The following RABGAP1L variants were observed in gnomAD, a reference collection of about 807,000 sequenced individuals.
RABGAP1L encodes the protein RAB GTPase activating protein 1 like, also known as rab GTPase-activating protein 1-like.
A neutral mutation model predicts 137.7 loss-of-function variants in RABGAP1L; 63 were observed. That is an observed-to-expected ratio of 0.46 (90% CI 0.37 to 0.56). The LOEUF is 0.56. Ranked by LOEUF, RABGAP1L falls within the 20% of genes least tolerant of loss-of-function variation. The probability of loss-of-function intolerance (pLI) is 0.00; values close to 1 mark genes in which losing one functional copy is unlikely to be tolerated. For missense variants in RABGAP1L, 1,095 were observed against 1,244.0 expected (o/e 0.88, Z 1.80); for synonymous variants, 431 against 433.7 (o/e 0.99, Z 0.08).
At position 174,993,483 on chromosome 1, in the gene RABGAP1L, G is replaced by A. The variant is rs1672186999; in HGVS notation, c.*3482G>A. The A allele has an allele frequency of 1.3e-5, 2 of 152,136 alleles. No homozygotes were observed. Among genetic ancestry groups the A allele is most frequent in the African/African-American group, 4.8e-5 (2 of 41,426 alleles). 9.4% of individuals were successfully genotyped at this position (152,136 alleles called of 1,614,324 possible). On this transcript the variant is annotated 3_prime_UTR_variant, in exon 26 of 26. Coordinates refer to ENST00000681986, the MANE Select transcript of RABGAP1L (RefSeq NM_001366446.1). ...TAAAATATTTTCCAGTTAATAACTA[G>A]TTGCTTTATTTCCTAGCTGAAGTGA...
At chr1:174,541,092 G>T (rs1164419458) in intron 13 of RABGAP1L, among the ~76,000 whole-genome samples, 1 of 152,098 alleles carries the variant, frequency 6.6e-6, no homozygotes, top group Non-Finnish European at 1.5e-5. Flanking sequence ...TTGGCTGTTT[G>T]TCTGTTATTG....
intron 19 of RABGAP1L, among the ~76,000 whole-genome samples, chr1:174,938,752 TG>T (rs1412444577): frequency 1.3e-5 from 2 of 152,240 alleles, no homozygotes; most frequent in East Asian, 3.8e-4. Flanking sequence ...AATCTGTTAG[TG>T]AGCTTTTACT....
At chr1:174,175,033 AAAATATG>A (rs1665719748) in intron 1 of RABGAP1L, among the ~76,000 whole-genome samples, 2 of 152,352 alleles carry the variant, frequency 1.3e-5, no homozygotes, top group South Asian at 4.1e-4. Flanking sequence ...TAAGATTTTT[AAAATATG>A]AAATAGGATG....
chr1:174,646,397 AAGTAAGGGGTCTAGTTTC>A (rs1432990640), intron 14 of RABGAP1L, among the ~76,000 whole-genome samples: 4 of 152,102 alleles, frequency 2.6e-5, no homozygotes, highest in African/African-American at 9.7e-5. Context: ...TATAAGATTT[AAGTAAGGGGTCTAGTTTC>A]AGTTTTCTGC....
intron 12 of RABGAP1L, among the ~76,000 whole-genome samples, chr1:174,373,141 G>A (rs899015384): frequency 1.3e-5 from 2 of 152,150 alleles, no homozygotes; most frequent in Non-Finnish European, 2.9e-5. Flanking sequence ...CCTTTAAGAT[G>A]AACAGTTCTC....
chr1:174,421,561 T>G (rs779648048), intron 13 of RABGAP1L, among the ~76,000 whole-genome samples: 1 of 152,252 alleles, frequency 6.6e-6, no homozygotes, highest in African/African-American at 2.4e-5. Context: ...GCACTTCTTA[T>G]GGTTCAGGTC....
intron 13 of RABGAP1L, among the ~76,000 whole-genome samples, chr1:174,532,107 G>A (rs952316889): frequency 6.6e-6 from 1 of 152,048 alleles, no homozygotes. Context: ...CCCTTGGGAA[G>A]AGGGAAAGGA....
chr1:174,230,994 A>G (rs1670599042), intron 3 of RABGAP1L, 151 bp from the exon 4 acceptor site: 3 of 579,454 alleles, frequency 5.2e-6, no homozygotes, highest in African/African-American at 3.7e-5. Context: ...TAGATTTTAA[A>G]TCCTAAAATT....
intron 19 of RABGAP1L, chr1:174,849,736 C>G (rs900083913): frequency 1.3e-5 from 6 of 475,084 alleles, no homozygotes; most frequent in Admixed American, 1.2e-4. Context: ...TCTTTCTGTT[C>G]TAAATGGTAT....
At chr1:174,658,351 TGTTGAAAACTAGG>T (rs1247490645) in intron 14 of RABGAP1L, among the ~76,000 whole-genome samples, 4 of 152,184 alleles carry the variant, frequency 2.6e-5, no homozygotes, top group African/African-American at 9.7e-5. Context: ...TAACCATTTG[TGTTGAAAACTAGG>T]GATTCATAGC....
intron 21 of RABGAP1L, among the ~76,000 whole-genome samples, chr1:174,973,979 G>GTTTTTTTTTTTTTTTTTTT (rs58500594): frequency 1.2e-5 from 1 of 85,788 alleles, no homozygotes; most frequent in African/African-American, 3.5e-5. Context: ...ATTGTTTTTT[G>GTTTTTTTTTTTTTTTTTTT]TTTTTTTTTT....
intron 19 of RABGAP1L, among the ~76,000 whole-genome samples, chr1:174,946,743 A>G (rs1172812231): frequency 1.3e-5 from 2 of 151,226 alleles, no homozygotes; most frequent in Admixed American, 1.3e-4. Context: ...TCTACTAAAA[A>G]TACAAAAATT....
intron 10 of RABGAP1L, among the ~76,000 whole-genome samples, chr1:174,302,259 T>G (rs750209195): frequency 1.3e-5 from 2 of 152,212 alleles, no homozygotes; most frequent in Non-Finnish European, 1.5e-5. Flanking sequence ...GTACTATAGG[T>G]TAGACTCTCT....
At chr1:174,569,801 G>C (rs1667849277) in intron 13 of RABGAP1L, among the ~76,000 whole-genome samples, 1 of 152,178 alleles carries the variant, frequency 6.6e-6, no homozygotes, top group Non-Finnish European at 1.5e-5. Context: ...AAGTTTGAAA[G>C]CTCTGCTGCT....
chr1:174,803,627 A>G (rs1238636603), intron 18 of RABGAP1L, among the ~76,000 whole-genome samples: 1 of 151,886 alleles, frequency 6.6e-6, no homozygotes, highest in African/African-American at 2.4e-5. Flanking sequence ...TTTTTTTCAA[A>G]TAGTCCCCTA....
At chr1:174,850,945 A>C (rs1422773669) in intron 19 of RABGAP1L, among the ~76,000 whole-genome samples, 1 of 152,234 alleles carries the variant, frequency 6.6e-6, no homozygotes, top group Non-Finnish European at 1.5e-5. Context: ...AGCTGAGGGC[A>C]GCTCCCAGCT....
chr1:174,281,176 G>A (rs578118623), intron 10 of RABGAP1L, among the ~76,000 whole-genome samples: 1 of 152,286 alleles, frequency 6.6e-6, no homozygotes, highest in Admixed American at 6.5e-5. Flanking sequence ...AGCTTCCACA[G>A]AGTGGAAGAG....
chr1:174,772,499 C>T (rs866218910), intron 18 of RABGAP1L, among the ~76,000 whole-genome samples: 41 of 130,374 alleles, frequency 3.1e-4, no homozygotes, highest in African/African-American at 1.1e-3. Context: ...ACCCGGGAGG[C>T]GGAGCTTGTG....
At chr1:174,234,783 G>GT (rs1046063747) in intron 4 of RABGAP1L, among the ~76,000 whole-genome samples, 53 of 147,126 alleles carry the variant, frequency 3.6e-4, no homozygotes, top group Non-Finnish European at 7.5e-4. Flanking sequence ...CTTTAAAGTG[G>GT]TTTTTTCCAA....
Sources: gnomAD v4.1 joint callset for allele counts (sites outside exome capture counted in the v4.1 genomes callset) on GRCh38, gnomAD v4.1.1 for gene constraint, MANE v1.5 for transcripts, NCBI Gene and HGNC (gene_info 2026-07-23, HGNC 2026-07-21) for gene names.